The following TAF5L variants were observed in gnomAD, a reference collection of about 807,000 sequenced individuals.
The protein encoded by TAF5L is TATA-box binding protein associated factor 5 like, also known as TAF5-like RNA polymerase II p300/CBP-associated factor-associated factor 65 kDa subunit 5L.
Under a neutral mutation model 51.3 loss-of-function variants are expected in TAF5L, and 7 were observed. The observed-to-expected ratio is 0.14, with a 90% CI of 0.08 to 0.26. The LOEUF is 0.26. Among genes scored for constraint, TAF5L ranks in the 10% least tolerant of loss-of-function variants. The probability of loss-of-function intolerance (pLI) is 1.00; values close to 1 mark genes in which losing one functional copy is unlikely to be tolerated. For missense variants in TAF5L, 575 were observed against 758.9 expected (o/e 0.76, Z 2.85); for synonymous variants, 291 against 308.1 (o/e 0.94, Z 0.58).
Position 229,602,188 on chromosome 1 carries a change from T to C in TAF5L, c.972+7A>G. The C allele has an allele frequency of 6.2e-7, 1 of 1,609,602 alleles. No individual in the cohort carries two copies. Among genetic ancestry groups the C allele is most frequent in the Non-Finnish European group, 8.5e-7 (1 of 1,176,822 alleles). Reference sequence around the variant, plus strand: ...GGGTGCAGGGAAGAAAAAAATGGTATTCATACCTCCTCCTCCAGAATATCA... The same window carrying C: ...GGGTGCAGGGAAGAAAAAAATGGTACTCATACCTCCTCCTCCAGAATATCA... On this transcript the variant is annotated splice_region_variant and intron_variant, in intron 4 of 4. Coordinates refer to ENST00000258281, the Ensembl canonical transcript of TAF5L. This position sits in a 1 kb window ranked among gnomAD's most constrained non-coding sequence, Gnocchi z 4.6.
rs148296996 is a variant in TAF5L at position 229,594,936 on chromosome 1, A to G, written c.1131T>C (p.Thr377=). The change falls in exon 5 of 5, where the codon ACT becomes ACC. Residue 377 remains threonine (T), a synonymous_variant. Coordinates refer to ENST00000258281, the Ensembl canonical transcript of TAF5L. The surrounding 1 kb of genome is among the most constrained non-coding windows in gnomAD (Gnocchi z 7.9). ...GATAGGCATGTCCTTGGTACAACAC[A>G]GTGTTGGTGAAACTCCCCAGATCCC... 20 of 1,614,108 alleles carry G rather than the reference A, an allele frequency of 1.2e-5. No homozygotes were observed. The highest frequency in any genetic ancestry group is 5.0e-5 in the Admixed American group (3 of 60,006).
rs1014589770 is a variant in TAF5L, at chr1:229,607,351, C to T, written c.247+2755G>A. The T allele has an allele frequency of 3.0e-6, 3 of 985,318 alleles. No homozygotes were observed. The African/African-American group carries it at 5.2e-5, about 17-fold the overall frequency. 61.0% of individuals were successfully genotyped at this position (985,318 alleles called of 1,614,324 possible). On this transcript the variant is annotated intron_variant, in intron 3 of 4. Transcript: ENST00000258281. Reference sequence around the variant, plus strand: ...ATTCACAGTCAGTCTCCCTGCCATTCCTCTTACAAATAATTTTACAAACTG... The same window carrying T: ...ATTCACAGTCAGTCTCCCTGCCATTTCTCTTACAAATAATTTTACAAACTG...
chr1:229,610,006 C>G, intron 3 of TAF5L, 100 bp downstream of exon 3: 1 of 927,914 alleles, frequency 1.1e-6, no homozygotes, highest in East Asian at 2.5e-5. Flanking sequence ...CTTTTTACCG[C>G]TCCTTGTGGA....
chr1:229,617,566 CG>C (rs1665052820), intron 1 of TAF5L, among the ~76,000 whole-genome samples: 1 of 152,122 alleles, frequency 6.6e-6, no homozygotes, highest in African/African-American at 2.4e-5. Context: ...AGATGGGCCT[CG>C]ATCTCTTAGA....
intron 1 of TAF5L, among the ~76,000 whole-genome samples, chr1:229,616,594 A>T (rs1665013209): frequency 6.6e-6 from 1 of 152,146 alleles, no homozygotes; most frequent in Non-Finnish European, 1.5e-5. Flanking sequence ...GAATAACCAA[A>T]CAAATGTTTT....
Position 229,625,160 on chromosome 1 carries a change from G to C in TAF5L, c.-4+725C>G, listed in dbSNP as rs1665390092. On this transcript the variant is annotated intron_variant, in intron 1 of 4. Transcript: ENST00000258281. The surrounding 1 kb of genome is among the most constrained non-coding windows in gnomAD (Gnocchi z 4.0). ...CGTTCCTGCACTCCACTTCCGCTAA[G>C]TCTAAAATGACACCACTGTTTCTAA... Among the ~76,000 whole-genome samples the C allele has an allele frequency of 1.3e-5, 2 of 152,196 alleles. No homozygotes were observed. The highest frequency in any genetic ancestry group is 2.4e-5 in the African/African-American group (1 of 41,436).
At chr1:229,618,643 T>A (rs1459726719) in intron 1 of TAF5L, among the ~76,000 whole-genome samples, 3 of 152,114 alleles carry the variant, frequency 2.0e-5, no homozygotes, top group Non-Finnish European at 4.4e-5. Context: ...TACAGAAACA[T>A]GGGGAGGTGG....
chr1:229,599,707 A>T, intron 4 of TAF5L: 1 of 599,224 alleles, frequency 1.7e-6, no homozygotes, highest in Non-Finnish European at 2.1e-6. Flanking sequence ...GACTGTTTCC[A>T]CTTTTTGGCT....
At chr1:229,599,822 A>G (rs1403287372) in intron 4 of TAF5L, 1 of 985,326 alleles carries the variant, frequency 1.0e-6, no homozygotes, top group Non-Finnish European at 1.2e-6. Flanking sequence ...GGGTGTGAAC[A>G]CCGTTTCAAA....
rs1180472478 is a variant in TAF5L at position 229,602,707 on chromosome 1, T to G, written c.460A>C (p.Lys154Gln). 18 of 1,614,138 alleles carry G rather than the reference T, an allele frequency of 1.1e-5. No individual in the cohort carries two copies. The highest frequency in any genetic ancestry group is 1.4e-5 in the Non-Finnish European group (17 of 1,180,032). ...TTGTTATCTAGGAATGCTCGAAGCT[T>G]GAAGTTAGATAGGATGTCCTGGATG... Residue 154 changes from lysine (K) to glutamine (Q), a missense_variant, in exon 4 of 5, where the codon AAG becomes CAG. Coordinates refer to ENST00000258281, the Ensembl canonical transcript of TAF5L. This position sits in a 1 kb window ranked among gnomAD's most constrained non-coding sequence, Gnocchi z 4.6.
intron 4 of TAF5L, among the ~76,000 whole-genome samples, chr1:229,598,167 A>G (rs1024922255): frequency 2.0e-5 from 3 of 152,242 alleles, no homozygotes; most frequent in Non-Finnish European, 4.4e-5. Context: ...TGTAAAATAC[A>G]TATCAGATTT....
intron 2 of TAF5L, 183 bp downstream of exon 2, chr1:229,614,158 C>T (rs561135264): frequency 4.6e-5 from 43 of 924,906 alleles, no homozygotes; most frequent in East Asian, 2.9e-4. Flanking sequence ...ATGTGAGCAC[C>T]GCTCTAAATG....
In TAF5L at chr1:229,609,658, C is replaced by T. The variant is rs146724790; in HGVS notation, c.247+448G>A. Among the ~76,000 whole-genome samples, 460 of 152,260 alleles carry T rather than the reference C, an allele frequency of 3.0e-3. 3 individuals carry two copies. Among genetic ancestry groups the T allele is most frequent in the African/African-American group, 0.01 (434 of 41,528 alleles). ...ACTTTTGGAAATACGGGGCAAAGACCATTGTGAAATGTACTATATTATTAG... is the reference window on the plus strand; with the variant it reads ...ACTTTTGGAAATACGGGGCAAAGACTATTGTGAAATGTACTATATTATTAG... On this transcript the variant is annotated intron_variant, in intron 3 of 4. Coordinates refer to ENST00000258281, the Ensembl canonical transcript of TAF5L.
At chr1:229,608,601 AACTCAGTTTTTAGAAAGTTATTTT>A (rs1664678909) in intron 3 of TAF5L, among the ~76,000 whole-genome samples, 1 of 152,228 alleles carries the variant, frequency 6.6e-6, no homozygotes, top group Admixed American at 6.5e-5. Flanking sequence ...AGAAAAATTT[AACTCAGTTTTTAGAAAGTTATTTT>A]ACTCAGTTAA....
At chr1:229,601,060 G>C in intron 4 of TAF5L, 2 of 982,578 alleles carry the variant, frequency 2.0e-6, no homozygotes, top group South Asian at 4.7e-5. Flanking sequence ...ATATTTTGGA[G>C]AGTACTATAA....
chr1:229,611,624 T>A (rs550716716), intron 2 of TAF5L, among the ~76,000 whole-genome samples: 1 of 152,166 alleles, frequency 6.6e-6, no homozygotes, highest in South Asian at 2.1e-4. Context: ...ACTCTGTCAC[T>A]AAGTCCTACA....
chr1:229,625,682 C>T lies in TAF5L; in HGVS notation c.-4+203G>A, dbSNP rs1044002561. Among the ~76,000 whole-genome samples, 3 of 149,074 alleles carry T rather than the reference C, an allele frequency of 2.0e-5. No homozygotes were observed. The highest frequency in any genetic ancestry group is 3.0e-5 in the Non-Finnish European group (2 of 67,012). On this transcript the variant is annotated intron_variant, in intron 1 of 4. Coordinates refer to ENST00000258281, the Ensembl canonical transcript of TAF5L. The surrounding 1 kb of genome is among the most constrained non-coding windows in gnomAD (Gnocchi z 4.0). The stretch of plus-strand genomic sequence containing the variant: ...GGCCGCAGCCCGGGACTCGGGAGGC[C>T]GAGGGCGGAGGCGCGGCCGTCGCGC...
chr1:229,606,446 G>C (rs887257481), intron 3 of TAF5L: 1 of 985,248 alleles, frequency 1.0e-6, no homozygotes, highest in African/African-American at 1.7e-5. Context: ...GGCGGTAAAT[G>C]AGAGAACAAT....
intron 1 of TAF5L, among the ~76,000 whole-genome samples, chr1:229,617,795 C>T (rs148815725): frequency 5.9e-5 from 9 of 152,298 alleles, no homozygotes; most frequent in East Asian, 1.9e-4. Flanking sequence ...AGAAACTAGT[C>T]TGTAATACTG....
Sources: allele counts gnomAD v4.1 joint callset (sites outside exome capture counted in the v4.1 genomes callset), GRCh38; gene constraint gnomAD v4.1.1; non-coding constraint Gnocchi (gnomAD v3.1); transcripts MANE v1.5; gene names NCBI Gene and HGNC (gene_info 2026-07-23, HGNC 2026-07-21).